Variants in CTNNA3 observed in about 807,000 individuals in gnomAD.
The protein encoded by CTNNA3 is catenin alpha-3.
Under a neutral mutation model 95.7 loss-of-function variants are expected in CTNNA3, and 76 were observed. The observed-to-expected ratio is 0.79, with a 90% confidence interval of 0.66 to 0.96. The LOEUF is 0.96. CTNNA3 is among the 40% of genes least tolerant of loss of function. The probability of loss-of-function intolerance (pLI) is 0.00; values close to 1 mark genes in which losing one functional copy is unlikely to be tolerated. For synonymous variants in CTNNA3, 431 were observed against 374.4 expected (o/e 1.15, Z -1.74); for missense variants, 1,191 against 1,089.8 (o/e 1.09, Z -1.31).
intron 5 of CTNNA3, among the ~76,000 whole-genome samples, chr10:67,287,520 G>A (rs778026388): frequency 2.6e-5 from 4 of 151,956 alleles, no homozygotes; most frequent in Non-Finnish European, 5.9e-5. Flanking sequence ...ACCATAAAAG[G>A]TACTCCTTAT....
intron 7 of CTNNA3, among the ~76,000 whole-genome samples, chr10:67,083,396 G>C (rs912972040): frequency 6.6e-6 from 1 of 150,908 alleles, no homozygotes; most frequent in African/African-American, 2.4e-5. Context: ...ATTTGTCTCA[G>C]TGCAAAAAAA....
At chr10:67,003,759 A>G (rs982063335) in intron 7 of CTNNA3, among the ~76,000 whole-genome samples, 3 of 152,172 alleles carry the variant, frequency 2.0e-5, no homozygotes, top group African/African-American at 7.2e-5. Context: ...GATTCTGGCC[A>G]GTTAACTGGA....
Position 67,558,655 on chromosome 10 carries a change from G to A in CTNNA3, c.293-18986C>T, listed in dbSNP as rs867773380. Among the ~76,000 whole-genome samples the A allele has an allele frequency of 4.1e-4, 63 of 152,304 alleles. No individual in the cohort carries two copies. In the Middle Eastern group the frequency reaches 0.014, roughly 33 times the overall value. On this transcript the variant is annotated intron_variant, in intron 3 of 17. Transcript: ENST00000433211. ...GTGGGCACAGGACAGTGGGTGCAGT[G>A]CACTGTGCGCGAGCCAAAGCAGGGC...
chr10:66,436,289 C>T lies in CTNNA3; in HGVS notation c.1532-56937G>A, dbSNP rs184503410. ...GACAGTGGGGTGTAAAAGTCTCCCA[C>T]TATTATTGTTTTGGAGTCTAAGTCT... is the stretch of plus-strand genomic sequence containing the variant. On this transcript the variant is annotated intron_variant, in intron 11 of 17. Coordinates refer to ENST00000433211, the MANE Select transcript of CTNNA3 (RefSeq NM_013266.4). 4.6e-3 allele frequency among the ~76,000 whole-genome samples: 701 copies of T among 152,036 alleles called. 1 individual carries two copies. Among genetic ancestry groups the T allele is most frequent in the Admixed American group, 0.02 (299 of 15,236 alleles).
At chr10:66,593,169 T>C (rs1843607096) in intron 10 of CTNNA3, among the ~76,000 whole-genome samples, 1 of 152,162 alleles carries the variant, frequency 6.6e-6, no homozygotes, top group African/African-American at 2.4e-5. Flanking sequence ...AGCCAATTCA[T>C]AGGATCTTGC....
intron 5 of CTNNA3, among the ~76,000 whole-genome samples, chr10:67,353,788 T>G (rs2132651197): frequency 6.6e-6 from 1 of 151,984 alleles, no homozygotes; most frequent in African/African-American, 2.4e-5. Context: ...AATGTGTGAG[T>G]GAACGGATGA....
intron 5 of CTNNA3, among the ~76,000 whole-genome samples, chr10:67,250,167 G>A (rs533048154): frequency 2.3e-4 from 35 of 152,082 alleles, no homozygotes; most frequent in African/African-American, 7.7e-4. Flanking sequence ...AACCAAACAT[G>A]GATCCAAAAG....
intron 9 of CTNNA3, among the ~76,000 whole-genome samples, chr10:66,723,633 C>T (rs965319871): frequency 2.0e-5 from 3 of 152,184 alleles, no homozygotes; most frequent in African/African-American, 7.2e-5. Flanking sequence ...ATGCAGTGTC[C>T]CTCAATGGCT....
intron 11 of CTNNA3, among the ~76,000 whole-genome samples, chr10:66,436,288 A>T (rs2093337292): frequency 6.6e-6 from 1 of 152,034 alleles, no homozygotes; most frequent in African/African-American, 2.4e-5. Flanking sequence ...AAAGTCTCCC[A>T]CTATTATTGT....
At chr10:66,123,466 C>A (rs12573155) in intron 13 of CTNNA3, among the ~76,000 whole-genome samples, 12,760 of 152,144 alleles carry the variant, frequency 0.084, 584 homozygotes, top group Admixed American at 0.12. Flanking sequence ...TGTGGCTTTT[C>A]TAGGCACAGG....
intron 5 of CTNNA3, among the ~76,000 whole-genome samples, chr10:67,497,255 C>T (rs7358071): frequency 0.072 from 10,956 of 152,174 alleles, 479 homozygotes; most frequent in South Asian, 0.14. Flanking sequence ...CTCCAAAGGA[C>T]GTGAACTCAT....
intron 11 of CTNNA3, among the ~76,000 whole-genome samples, chr10:66,449,515 T>C (rs1185398692): frequency 6.6e-6 from 1 of 152,184 alleles, no homozygotes; most frequent in African/African-American, 2.4e-5. Flanking sequence ...AAAAATGCTT[T>C]TTTATTGTTA....
Position 66,619,238 on chromosome 10 carries a change from G to T in CTNNA3, c.1374+2454C>A. Among the ~76,000 whole-genome samples the T allele has an allele frequency of 1.3e-5, 2 of 151,412 alleles. 1 individual carries two copies. Among genetic ancestry groups the T allele is most frequent in the Non-Finnish European group, 2.9e-5 (2 of 67,840 alleles). Reference sequence around the variant, plus strand: ...ATATACCCAAAGGACTATAAATCATGCTGCTATAAAGACACATGCACACGT... The same window carrying T: ...ATATACCCAAAGGACTATAAATCATTCTGCTATAAAGACACATGCACACGT... On this transcript the variant is annotated intron_variant, in intron 10 of 17. Transcript: ENST00000433211.
At chr10:67,575,799 T>G (rs895376962) in intron 3 of CTNNA3, among the ~76,000 whole-genome samples, 8 of 152,190 alleles carry the variant, frequency 5.3e-5, no homozygotes, top group Non-Finnish European at 1.5e-5. Context: ...GGCTCTCAGC[T>G]ACTGTTGGCT....
At chr10:66,647,505 A>T (rs1845746329) in intron 9 of CTNNA3, among the ~76,000 whole-genome samples, 1 of 115,014 alleles carries the variant, frequency 8.7e-6, no homozygotes, top group African/African-American at 3.8e-5. Flanking sequence ...AGTTATAAAA[A>T]TTACTCTTTT....
At chr10:66,968,640 G>C (rs1269587706) in intron 7 of CTNNA3, among the ~76,000 whole-genome samples, 2 of 152,034 alleles carry the variant, frequency 1.3e-5, no homozygotes, top group Non-Finnish European at 2.9e-5. Flanking sequence ...TTCATTAAAA[G>C]AAGAATAAAT....
chr10:66,573,832 CTT>C (rs1204427674), intron 10 of CTNNA3, among the ~76,000 whole-genome samples: 1 of 152,038 alleles, frequency 6.6e-6, no homozygotes, highest in Non-Finnish European at 1.5e-5. Flanking sequence ...ATTCATGTTA[CTT>C]TTTTTAAGCA....
intron 17 of CTNNA3, among the ~76,000 whole-genome samples, chr10:65,938,516 G>T (rs1323542961): frequency 6.6e-6 from 1 of 152,148 alleles, no homozygotes; most frequent in Non-Finnish European, 1.5e-5. Flanking sequence ...GGTTGGAAGA[G>T]GCTTGACAGA....
At chr10:66,067,005 A>AT (rs1414761052) in intron 15 of CTNNA3, among the ~76,000 whole-genome samples, 1 of 151,964 alleles carries the variant, frequency 6.6e-6, no homozygotes, top group East Asian at 1.9e-4. Flanking sequence ...AGAAAAAAAA[A>AT]ATATACGCCA....
Sources: gnomAD v4.1 joint callset for allele counts (sites outside exome capture counted in the v4.1 genomes callset) on GRCh38, gnomAD v4.1.1 for gene constraint, MANE v1.5 for transcripts, NCBI Gene and HGNC (gene_info 2026-07-23, HGNC 2026-07-21) for gene names.